The following TRPC5 variants were observed in gnomAD, a reference collection of about 807,000 sequenced individuals.
The protein encoded by TRPC5 is transient receptor potential cation channel subfamily C member 5.
In TRPC5, 9 loss-of-function variants were observed where a neutral mutation model predicts 56.5. The ratio of observed to expected loss-of-function variants is 0.16; its 90% confidence interval spans 0.10 to 0.28. The LOEUF (loss-of-function observed/expected upper bound fraction) is 0.28, where lower values mean the gene tolerates loss of function less well. TRPC5 is among the 10% of genes least tolerant of loss of function. TRPC5 has a pLI of 1.00. For missense variants in TRPC5, 469 were observed against 748.9 expected (o/e 0.63, Z 4.36); for synonymous variants, 282 against 278.5 (o/e 1.01, Z -0.13).
rs182491374 is a variant in TRPC5, at chrX:111,970,245, T to G, written c.-21-17804A>C. Among the ~76,000 whole-genome samples the G allele has an allele frequency of 1.4e-4, 16 of 111,756 alleles. No homozygotes were observed. In the East Asian group the frequency reaches 4.5e-3, roughly 32 times the overall value. On this transcript the variant is annotated intron_variant, in intron 1 of 10. Transcript: ENST00000262839. The stretch of plus-strand genomic sequence containing the variant: ...AAATAGATTCTATTTCTTCATGACT[T>G]CTATTATTCTTCAAAGATGCTTAAT...
intron 1 of TRPC5, among the ~76,000 whole-genome samples, chrX:111,979,214 C>A (rs917194218): frequency 1.8e-5 from 2 of 111,086 alleles, no homozygotes; most frequent in African/African-American, 6.5e-5. Flanking sequence ...AAAGGCAATT[C>A]GTGGATAAAG....
chrX:111,846,391 G>A (rs1384737308), intron 6 of TRPC5, among the ~76,000 whole-genome samples: 1 of 111,664 alleles, frequency 9.0e-6, no homozygotes, highest in African/African-American at 3.3e-5. Flanking sequence ...CCCTGGCATT[G>A]ATTTATCAGA....
chrX:112,052,500 A>G (rs1930240011), intron 1 of TRPC5, among the ~76,000 whole-genome samples: 1 of 111,464 alleles, frequency 9.0e-6, no homozygotes, highest in African/African-American at 3.3e-5. Flanking sequence ...GTTGAGTTGT[A>G]GGAGTTCTTT....
At chrX:112,012,596 G>C (rs1307590841) in intron 1 of TRPC5, among the ~76,000 whole-genome samples, 2 of 110,888 alleles carry the variant, frequency 1.8e-5, no homozygotes, top group Non-Finnish European at 3.8e-5. Context: ...TGAGGCAGGT[G>C]TTATTATCTC....
At chrX:111,924,306 G>A (rs1295304135) in intron 2 of TRPC5, among the ~76,000 whole-genome samples, 1 of 111,520 alleles carries the variant, frequency 9.0e-6, no homozygotes, top group Non-Finnish European at 1.9e-5. Context: ...ATAAAGAAGA[G>A]GAGTTGAGAC....
intron 3 of TRPC5, among the ~76,000 whole-genome samples, chrX:111,871,306 C>T (rs1321212060): frequency 1.8e-5 from 2 of 108,464 alleles, no homozygotes; most frequent in Non-Finnish European, 3.8e-5. Context: ...TAGATGGAAG[C>T]AGGCATTTTC....
chrX:111,833,088 T>C (rs772741310), intron 7 of TRPC5, among the ~76,000 whole-genome samples: 1 of 111,610 alleles, frequency 9.0e-6, no homozygotes, highest in Non-Finnish European at 1.9e-5. Context: ...TGCCCCCTTA[T>C]AGAGATAGAC....
intron 1 of TRPC5, among the ~76,000 whole-genome samples, chrX:112,024,701 C>G (rs755190491): frequency 5.4e-5 from 6 of 111,546 alleles, no homozygotes; most frequent in Non-Finnish European, 1.1e-4. Context: ...GCTCCATGAA[C>G]AGCACAAGAA....
At chrX:111,790,491 T>C (rs1341930632) in intron 7 of TRPC5, among the ~76,000 whole-genome samples, 1 of 111,245 alleles carries the variant, frequency 9.0e-6, no homozygotes, top group African/African-American at 3.3e-5. Context: ...CAAACCAACA[T>C]GACACATGTA....
intron 1 of TRPC5, among the ~76,000 whole-genome samples, chrX:112,015,327 T>C (rs1191361443): frequency 8.9e-6 from 1 of 111,757 alleles, no homozygotes; most frequent in Non-Finnish European, 1.9e-5. Context: ...CATGCAGATT[T>C]TCCCCCTCTC....
At chrX:112,038,744 C>T (rs1248336615) in intron 1 of TRPC5, among the ~76,000 whole-genome samples, 5 of 108,956 alleles carry the variant, frequency 4.6e-5, no homozygotes, top group Non-Finnish European at 9.5e-5. Flanking sequence ...TGCAATGGCG[C>T]GATCTCGGCT....
chrX:111,774,049 C>A lies in TRPC5; in HGVS notation c.*2264G>T, dbSNP rs948807876. Among the ~76,000 whole-genome samples, 1 of 111,492 alleles carries A rather than the reference C, an allele frequency of 9.0e-6. No individual in the cohort carries two copies. The highest frequency in any genetic ancestry group is 3.3e-5 in the African/African-American group (1 of 30,675). On this transcript the variant is annotated 3_prime_UTR_variant, in exon 11 of 11. Transcript: ENST00000262839. ...TCTTAAGCCCAAGTCACAACGATAA[C>A]CCTGAGAAGATCTGAAAAGGAATGT...
At chrX:111,871,344 A>G (rs1289087448) in intron 3 of TRPC5, among the ~76,000 whole-genome samples, 1 of 110,211 alleles carries the variant, frequency 9.1e-6, no homozygotes, top group Non-Finnish European at 1.9e-5. Context: ...TCATAACAGG[A>G]TAATGTGGGC....
intron 7 of TRPC5, among the ~76,000 whole-genome samples, chrX:111,782,806 A>AACACACACACACACACACACACACACAC (rs1186498788): frequency 1.1e-5 from 1 of 92,118 alleles, no homozygotes; most frequent in African/African-American, 4.2e-5. Flanking sequence ...CATTATAATC[A>AACACACACACACACACACACACACACAC]ACACACACAC....
chrX:111,869,929 A>G (rs771152161), intron 3 of TRPC5, among the ~76,000 whole-genome samples: 2 of 112,184 alleles, frequency 1.8e-5, no homozygotes, highest in Non-Finnish European at 3.8e-5. Flanking sequence ...AAGAAATCAT[A>G]GAAAGTGTGG....
intron 1 of TRPC5, among the ~76,000 whole-genome samples, chrX:112,041,841 T>A (rs1013572412): frequency 8.0e-5 from 9 of 112,081 alleles, no homozygotes; most frequent in Admixed American, 7.6e-4. Flanking sequence ...ATATTGCTTA[T>A]AGCTCTGTAG....
chrX:112,047,841 T>C (rs1302888792), intron 1 of TRPC5, among the ~76,000 whole-genome samples: 2 of 111,952 alleles, frequency 1.8e-5, no homozygotes, highest in Admixed American at 1.9e-4. Context: ...CCTGATTGTC[T>C]AATCTAAAGA....
intron 7 of TRPC5, among the ~76,000 whole-genome samples, chrX:111,832,499 C>A (rs1029856291): frequency 8.9e-6 from 1 of 111,996 alleles, no homozygotes; most frequent in Non-Finnish European, 1.9e-5. Flanking sequence ...AAATTACATT[C>A]AGTACTGAAG....
At chrX:111,945,315 A>T (rs1926904710) in intron 2 of TRPC5, among the ~76,000 whole-genome samples, 1 of 108,654 alleles carries the variant, frequency 9.2e-6, no homozygotes, top group Non-Finnish European at 1.9e-5. Context: ...AAGAATTTTG[A>T]CTTCTGAGAC....
Sources: gnomAD v4.1 joint callset for allele counts (sites outside exome capture counted in the v4.1 genomes callset) on GRCh38, gnomAD v4.1.1 for gene constraint, MANE v1.5 for transcripts, NCBI Gene and HGNC (gene_info 2026-07-23, HGNC 2026-07-21) for gene names.